PREP: variants seen among roughly 807,000 people sequenced by gnomAD.
The protein encoded by PREP is prolyl endopeptidase.
Under a neutral mutation model 87.6 loss-of-function variants are expected in PREP, and 29 were observed. That is an observed-to-expected ratio of 0.33 (90% CI 0.25 to 0.45). The LOEUF (loss-of-function observed/expected upper bound fraction) is 0.45, where lower values mean the gene tolerates loss of function less well. Ranked by LOEUF, PREP falls within the 20% of genes least tolerant of loss-of-function variation. The pLI, the probability that PREP is intolerant of heterozygous loss-of-function variation, is 1.00. For missense variants in PREP, 695 were observed against 886.5 expected, an observed-to-expected ratio of 0.78 and a Z score of 2.74; for synonymous variants, 337 against 328.6, an observed-to-expected ratio of 1.03 and a Z score of -0.28.
intron 6 of PREP, among the ~76,000 whole-genome samples, chr6:105,361,385 T>C (rs986267452): frequency 6.6e-6 from 1 of 152,056 alleles, no homozygotes; most frequent in Non-Finnish European, 1.5e-5. Context: ...ACTCCAGTCG[T>C]GTGGTGGTGT....
chr6:105,282,405 C>G (rs1770103836), intron 13 of PREP, 46 bp downstream of exon 13: 5 of 1,587,380 alleles, frequency 3.1e-6, no homozygotes, highest in Non-Finnish European at 4.3e-6. Context: ...CTGAAAACCC[C>G]AAGAGGGCTA....
In PREP at chr6:105,376,218, G is replaced by A. The variant is rs141312833; in HGVS notation, c.292C>T (p.Arg98Ter). 5.0e-6 allele frequency: 8 copies of A among 1,613,248 alleles called. No individual in the cohort carries two copies. Among genetic ancestry groups the A allele is most frequent in the Non-Finnish European group, 5.1e-6 (6 of 1,179,514 alleles). The change falls in exon 4 of 15, where the codon CGA (arginine) becomes TGA (stop). Residue 98 changes from arginine (R) to a stop codon, truncating the protein, a stop_gained. Coordinates refer to ENST00000652536, the MANE Select transcript of PREP (RefSeq NM_002726.5). LOFTEE classifies it high-confidence loss of function. ...AAGGAATCCTGTACATATAATACTC[G>A]CTGGTTCTGCAAACCTGTATTGTAA... Reference protein sequence around the residue: ...YFYNTGLQNQRVLYVQDSLEG... With the variant: ...YFYNTGLQNQ
intron 10 of PREP, among the ~76,000 whole-genome samples, chr6:105,308,525 A>G (rs1284344082): frequency 6.6e-6 from 1 of 152,204 alleles, no homozygotes; most frequent in Non-Finnish European, 1.5e-5. Flanking sequence ...TAACTCTTAA[A>G]GGCTAGATCA....
intron 10 of PREP, among the ~76,000 whole-genome samples, chr6:105,290,386 C>T (rs17546638): frequency 0.068 from 10,392 of 152,202 alleles, 458 homozygotes; most frequent in Admixed American, 0.12. Flanking sequence ...GCGAGCAAAC[C>T]GTCTCACATG....
At chr6:105,395,684 C>G (rs1200449800) in intron 2 of PREP, among the ~76,000 whole-genome samples, 1 of 152,196 alleles carries the variant, frequency 6.6e-6, no homozygotes. Flanking sequence ...TTGTCATCCA[C>G]GAACCTGTCA....
At chr6:105,345,457 T>C (rs1294273922) in intron 7 of PREP, among the ~76,000 whole-genome samples, 3 of 152,232 alleles carry the variant, frequency 2.0e-5, no homozygotes, top group Non-Finnish European at 4.4e-5. Context: ...CTTATGCTTT[T>C]CCTAGAGCAA....
At chr6:105,309,469 C>T (rs183013261) in intron 10 of PREP, among the ~76,000 whole-genome samples, 1 of 152,262 alleles carries the variant, frequency 6.6e-6, no homozygotes, top group East Asian at 1.9e-4. Flanking sequence ...CCTGTCTCAG[C>T]CTCCCGAGTA....
intron 5 of PREP, among the ~76,000 whole-genome samples, chr6:105,369,758 T>C (rs1199088702): frequency 6.6e-6 from 1 of 152,018 alleles, no homozygotes; most frequent in Non-Finnish European, 1.5e-5. Flanking sequence ...GACCTGAATG[T>C]AAAACATAAA....
chr6:105,398,605 T>C (rs1273118269), intron 1 of PREP, among the ~76,000 whole-genome samples: 1 of 152,124 alleles, frequency 6.6e-6, no homozygotes, highest in African/African-American at 2.4e-5. Flanking sequence ...GTTACCATGA[T>C]ATTGGAAGAA....
chr6:105,322,902 T>A (rs775094250), intron 10 of PREP: 6 of 1,198,460 alleles, frequency 5.0e-6, no homozygotes, highest in Non-Finnish European at 6.4e-6. Context: ...GTGGGGAACA[T>A]CCAGCGCTCT....
Position 105,322,825 on chromosome 6 carries a change from A to G in PREP, c.1317+840T>C, listed in dbSNP as rs954394344. 3.5e-6 allele frequency: 4 copies of G among 1,135,426 alleles called. No homozygotes were observed. The African/African-American group carries it at 4.8e-5, about 14-fold the overall frequency. 70.3% of individuals were successfully genotyped at this position (1,135,426 alleles called of 1,614,324 possible). A position where few individuals can be genotyped will look rare whatever the true frequency, so the allele number is the denominator to read the frequency against. On this transcript the variant is annotated intron_variant, in intron 10 of 14. Coordinates refer to ENST00000652536, the MANE Select transcript of PREP (RefSeq NM_002726.5). Reference sequence around the variant, plus strand: ...GATCTAGATGTAGCCTATCATCTAGACCATTTCTAGACAATTGAAGGGTAA... The same window carrying G: ...GATCTAGATGTAGCCTATCATCTAGGCCATTTCTAGACAATTGAAGGGTAA...
chr6:105,335,262 C>T (rs1771449932), intron 7 of PREP, among the ~76,000 whole-genome samples: 1 of 152,224 alleles, frequency 6.6e-6, no homozygotes, highest in African/African-American at 2.4e-5. Flanking sequence ...TTCTAAACTA[C>T]TAAAAGGCAA....
intron 10 of PREP, among the ~76,000 whole-genome samples, chr6:105,309,672 G>A (rs1770721788): frequency 6.6e-6 from 1 of 152,144 alleles, no homozygotes. Flanking sequence ...CACAGAAGGA[G>A]AGCAAGGAGC....
chr6:105,342,449 A>G (rs1393338495), intron 7 of PREP, among the ~76,000 whole-genome samples: 4 of 152,226 alleles, frequency 2.6e-5, no homozygotes, highest in Admixed American at 1.3e-4. Context: ...AAAAACTGGA[A>G]GCATTCCCTT....
At chr6:105,305,844 C>CTTT (rs35115122) in intron 10 of PREP, among the ~76,000 whole-genome samples, 1 of 145,724 alleles carries the variant, frequency 6.9e-6, no homozygotes, top group Non-Finnish European at 1.5e-5. Context: ...ATATCCTTTT[C>CTTT]TTTTTTTTTT....
intron 10 of PREP, chr6:105,302,811 T>C: frequency 2.3e-6 from 1 of 434,436 alleles, no homozygotes; most frequent in Non-Finnish European, 4.5e-6. Context: ...TCCCGAGACT[T>C]GATCTTAGCC....
rs1487119475 is a variant in PREP at position 105,277,006 on chromosome 6, A to G, written c.*1138T>C. The stretch of plus-strand genomic sequence containing the variant: ...ATCTGATAAAGCAAGACAAAGGAAA[A>G]AAAACTGTTTTAAGTTAGATCAGCA... On this transcript the variant is annotated 3_prime_UTR_variant, in exon 15 of 15. Coordinates refer to ENST00000652536, the MANE Select transcript of PREP (RefSeq NM_002726.5). Among the ~76,000 whole-genome samples the G allele has an allele frequency of 6.6e-6, 1 of 152,142 alleles. No individual in the cohort carries two copies. Among genetic ancestry groups the G allele is most frequent in the Non-Finnish European group, 1.5e-5 (1 of 68,014 alleles).
chr6:105,328,259 C>T (rs1771224686), intron 9 of PREP, among the ~76,000 whole-genome samples: 3 of 151,062 alleles, frequency 2.0e-5, no homozygotes, highest in South Asian at 4.2e-4. Context: ...TTCATTGGTA[C>T]TAATTTTTTT....
intron 8 of PREP, among the ~76,000 whole-genome samples, chr6:105,331,770 C>T (rs1771340791): frequency 6.6e-6 from 1 of 152,162 alleles, no homozygotes; most frequent in African/African-American, 2.4e-5. Flanking sequence ...TCGTGGGTCC[C>T]TCGTCCAAAT....
Sources: allele counts gnomAD v4.1 joint callset (sites outside exome capture counted in the v4.1 genomes callset), GRCh38; gene constraint gnomAD v4.1.1; transcripts MANE v1.5; gene names NCBI Gene and HGNC (gene_info 2026-07-23, HGNC 2026-07-21).